BNC2: variants seen among roughly 807,000 people sequenced by gnomAD.
BNC2 encodes the protein zinc finger protein basonuclin-2.
A neutral mutation model predicts 76.3 loss-of-function variants in BNC2; 20 were observed. That is an observed-to-expected ratio of 0.26 (90% confidence interval 0.18 to 0.38). The LOEUF is 0.38. BNC2 is among the 10% of genes least tolerant of loss of function. The pLI is 1.00. For synonymous variants in BNC2, 582 were observed against 514.8 expected (o/e 1.13, Z -1.77); for missense variants, 1,382 against 1,399.8 (o/e 0.99, Z 0.20).
At chr9:16,845,675 C>G (rs1168117389) in intron 1 of BNC2, among the ~76,000 whole-genome samples, 1 of 151,772 alleles carries the variant, frequency 6.6e-6, no homozygotes, top group Non-Finnish European at 1.5e-5. Context: ...GAGCCGAGAT[C>G]GCACCTCTGC....
rs186151522 is a variant in BNC2, at chr9:16,676,800, A to G, written c.330+50997T>C. On this transcript the variant is annotated intron_variant, in intron 3 of 6. Coordinates refer to ENST00000380672, the MANE Select transcript of BNC2 (RefSeq NM_017637.6). ...CCCAAGTGAGAACAAGGGAGGAGAA[A>G]AAAAAAGCAAGTTCATGAACTGTTT... Among the ~76,000 whole-genome samples the G allele has an allele frequency of 5.3e-5, 8 of 152,350 alleles. No individual in the cohort carries two copies. In the East Asian group the frequency reaches 1.3e-3, roughly 26 times the overall value.
At chr9:16,519,847 T>C (rs1217471567) in intron 5 of BNC2, among the ~76,000 whole-genome samples, 1 of 152,174 alleles carries the variant, frequency 6.6e-6, no homozygotes, top group Non-Finnish European at 1.5e-5. Flanking sequence ...CACCAAAGAC[T>C]GTGTTTGGCC....
intron 3 of BNC2, among the ~76,000 whole-genome samples, chr9:16,585,323 T>C (rs1171028672): frequency 6.6e-6 from 1 of 152,166 alleles, no homozygotes; most frequent in Admixed American, 6.5e-5. Context: ...ATTTGGTACA[T>C]TCGGGAATTC....
At chr9:16,515,145 G>A (rs1351303469) in intron 5 of BNC2, among the ~76,000 whole-genome samples, 1 of 152,184 alleles carries the variant, frequency 6.6e-6, no homozygotes, top group Non-Finnish European at 1.5e-5. Context: ...AACATCCAGA[G>A]GGAATTCAAC....
intron 1 of BNC2, among the ~76,000 whole-genome samples, chr9:16,747,668 C>G (rs1302279975): frequency 6.6e-6 from 1 of 152,196 alleles, no homozygotes; most frequent in African/African-American, 2.4e-5. Context: ...CCAGCATTGC[C>G]TCTCCAGGTT....
chr9:16,663,130 C>CTT (rs71325979), intron 3 of BNC2, among the ~76,000 whole-genome samples: 2,733 of 99,628 alleles, frequency 0.027, 223 homozygotes, highest in South Asian at 0.087. Flanking sequence ...TCTGTTTACT[C>CTT]TTTTTTTTTT....
intron 1 of BNC2, among the ~76,000 whole-genome samples, chr9:16,824,148 T>C (rs1818401143): frequency 6.6e-6 from 1 of 152,208 alleles, no homozygotes; most frequent in African/African-American, 2.4e-5. Flanking sequence ...AAATAGGCTG[T>C]GACCGCTACC....
At chr9:16,517,875 T>C (rs1470352236) in intron 5 of BNC2, among the ~76,000 whole-genome samples, 5 of 152,114 alleles carry the variant, frequency 3.3e-5, no homozygotes, top group South Asian at 2.1e-4. Flanking sequence ...TACTAGATAA[T>C]TGCAGAATTC....
chr9:16,846,851 A>G (rs892862991), intron 1 of BNC2, among the ~76,000 whole-genome samples: 2 of 152,246 alleles, frequency 1.3e-5, no homozygotes, highest in Non-Finnish European at 2.9e-5. Flanking sequence ...AAATTTTGCT[A>G]TCACAGCACT....
chr9:16,640,110 C>G (rs560681993), intron 3 of BNC2, among the ~76,000 whole-genome samples: 11 of 151,484 alleles, frequency 7.3e-5, no homozygotes, highest in South Asian at 6.2e-4. Context: ...AAAATAGAGA[C>G]TAGCAAAGAA....
chr9:16,597,210 T>A (rs1028471350), intron 3 of BNC2, among the ~76,000 whole-genome samples: 3 of 152,198 alleles, frequency 2.0e-5, no homozygotes, highest in African/African-American at 7.2e-5. Flanking sequence ...TACAGCCATG[T>A]ACTATTGTAT....
In BNC2 at chr9:16,435,966, T is replaced by A. The variant is rs992273013; in HGVS notation, c.2228A>T (p.His743Leu). The change falls in exon 6 of 7, where the codon CAC (histidine) becomes CTC (leucine). Residue 743 changes from histidine to leucine, a missense_variant. Physicochemically the swap from His to Leu is moderately conservative, Grantham distance 99 (BLOSUM62 -3). Around this residue, in one of 3 missense-constraint regions of BNC2, gnomAD observed 798 missense variants for 775.5 expected, o/e 1.03. Coordinates refer to ENST00000380672, the MANE Select transcript of BNC2 (RefSeq NM_017637.6). ...LGEESMEGDE[H>L]IHSEVSEKVL... ...TTTTTCACTCACTTCGCTGTGAATGTGCTCATCCCCTTCCATGGATTCCTC... is the reference window on the plus strand; with the variant it reads ...TTTTTCACTCACTTCGCTGTGAATGAGCTCATCCCCTTCCATGGATTCCTC... The A allele has an allele frequency of 6.2e-7, 1 of 1,614,170 alleles. No homozygotes were observed. Among genetic ancestry groups the A allele is most frequent in the Non-Finnish European group, 8.5e-7 (1 of 1,180,030 alleles).
chr9:16,758,567 G>T (rs892378385), intron 1 of BNC2, among the ~76,000 whole-genome samples: 4 of 152,224 alleles, frequency 2.6e-5, no homozygotes, highest in African/African-American at 7.2e-5. Flanking sequence ...TTGACCTCAT[G>T]ATCTGTCCAC....
intron 1 of BNC2, among the ~76,000 whole-genome samples, chr9:16,755,881 G>T (rs1825370799): frequency 6.6e-6 from 1 of 152,136 alleles, no homozygotes; most frequent in South Asian, 2.1e-4. Context: ...GTGTTTCCTT[G>T]GAGACATTGT....
intron 3 of BNC2, among the ~76,000 whole-genome samples, chr9:16,605,186 T>C (rs2133351557): frequency 6.6e-6 from 1 of 152,384 alleles, no homozygotes; most frequent in Admixed American, 6.5e-5. Flanking sequence ...TAGTAGAGAA[T>C]GAAAAGAGGA....
chr9:16,770,963 G>A (rs1825817594), intron 1 of BNC2, among the ~76,000 whole-genome samples: 1 of 152,120 alleles, frequency 6.6e-6, no homozygotes, highest in Non-Finnish European at 1.5e-5. Flanking sequence ...TTGAGGCCAG[G>A]CGTTCATGAC....
At chr9:16,470,563 C>T (rs1256755441) in intron 5 of BNC2, among the ~76,000 whole-genome samples, 2 of 152,180 alleles carry the variant, frequency 1.3e-5, no homozygotes, top group African/African-American at 2.4e-5. Flanking sequence ...AGCCCAGGGT[C>T]CCCATGCTGT....
At chr9:16,840,451 G>C (rs187209545) in intron 1 of BNC2, among the ~76,000 whole-genome samples, 12 of 152,276 alleles carry the variant, frequency 7.9e-5, no homozygotes, top group Admixed American at 7.8e-4. Context: ...TCACTCAAAA[G>C]TTCACTCTAA....
intron 1 of BNC2, among the ~76,000 whole-genome samples, chr9:16,858,493 A>G (rs549729052): frequency 3.3e-5 from 5 of 152,344 alleles, no homozygotes; most frequent in Admixed American, 2.6e-4. Flanking sequence ...TCTGAGCTTT[A>G]AAAGTAAACT....
Sources: gnomAD v4.1 joint callset for allele counts (sites outside exome capture counted in the v4.1 genomes callset) on GRCh38, gnomAD v4.1.1 for gene constraint, gnomAD v4.1.1 regional missense constraint, MANE v1.5 for transcripts, NCBI Gene and HGNC (gene_info 2026-07-23, HGNC 2026-07-21) for gene names.